FAM171A1: variants seen among roughly 807,000 people sequenced by gnomAD.
The protein encoded by FAM171A1 is family with sequence similarity 171 member A1.
A neutral mutation model predicts 74.9 loss-of-function variants in FAM171A1; 23 were observed. That is an observed-to-expected ratio of 0.31 (90% CI 0.22 to 0.44). FAM171A1 has a LOEUF of 0.44. Ranked by LOEUF, FAM171A1 falls within the 20% of genes least tolerant of loss-of-function variation. The pLI is 1.00. For synonymous variants in FAM171A1, 527 were observed against 505.7 expected, an observed-to-expected ratio of 1.04 and a Z score of -0.57; for missense variants, 1,162 against 1,159.2, an observed-to-expected ratio of 1.00 and a Z score of -0.03.
intron 1 of FAM171A1, among the ~76,000 whole-genome samples, chr10:15,327,221 A>C (rs1835566299): frequency 6.6e-6 from 1 of 152,192 alleles, no homozygotes; most frequent in Non-Finnish European, 1.5e-5. Flanking sequence ...AGCTTGAGCA[A>C]GAGCAAGCTG....
At chr10:15,231,670 T>C (rs534596342) in intron 5 of FAM171A1, among the ~76,000 whole-genome samples, 52 of 151,206 alleles carry the variant, frequency 3.4e-4, no homozygotes, top group African/African-American at 1.3e-3. Context: ...TTTCCTACCA[T>C]GTGGCTGTAG....
At chr10:15,276,004 C>T (rs1834889666) in intron 2 of FAM171A1, 57 bp from the exon 3 acceptor site, 6 of 1,304,480 alleles carry the variant, frequency 4.6e-6, no homozygotes, top group Non-Finnish European at 6.5e-6. Context: ...TAAGTGCCTA[C>T]TCTAATTTTT....
intron 5 of FAM171A1, among the ~76,000 whole-genome samples, chr10:15,233,521 G>GGGGTGTGT (rs376109485): frequency 6.9e-6 from 1 of 145,282 alleles, no homozygotes; most frequent in East Asian, 2.1e-4. Context: ...GTGTATTCAG[G>GGGGTGTGT]GTGTGTGTGT....
At chr10:15,253,370 G>C (rs910134644) in intron 4 of FAM171A1, among the ~76,000 whole-genome samples, 3 of 152,212 alleles carry the variant, frequency 2.0e-5, no homozygotes, top group African/African-American at 7.2e-5. Flanking sequence ...TCAAGTAATA[G>C]TCAACATTTT....
At chr10:15,370,240 CTTTTTT>C (rs34087157) in intron 1 of FAM171A1, among the ~76,000 whole-genome samples, 1 of 110,864 alleles carries the variant, frequency 9.0e-6, no homozygotes, top group African/African-American at 3.3e-5. Context: ...AAGGATTTTT[CTTTTTT>C]TTTTTTTTTT....
At chr10:15,248,612 G>A (rs547930812) in intron 5 of FAM171A1, 27 bp downstream of exon 5, 27 of 1,564,942 alleles carry the variant, frequency 1.7e-5, no homozygotes, top group Middle Eastern at 4.1e-4. Flanking sequence ...TCTGGTAGCC[G>A]ATTGTCGGCA....
rs149959357 is a variant in FAM171A1 at position 15,252,992 on chromosome 10, T to C, written c.577+1729A>G. On this transcript the variant is annotated intron_variant, in intron 4 of 7. Transcript: ENST00000378116. ...GGGAGGCTGGATGCTGGCTATGATA[T>C]TTTAAAACTTTGTTTTTTTGTTTTT... Among the ~76,000 whole-genome samples the C allele has an allele frequency of 2.3e-3, 347 of 152,264 alleles. 1 individual carries two copies. The highest frequency in any genetic ancestry group is 7.7e-3 in the African/African-American group (321 of 41,560).
chr10:15,282,681 A>G (rs1288354075), intron 2 of FAM171A1, among the ~76,000 whole-genome samples: 1 of 152,204 alleles, frequency 6.6e-6, no homozygotes, highest in Non-Finnish European at 1.5e-5. Flanking sequence ...AGCATGGACC[A>G]TGGGAGTGTC....
intron 5 of FAM171A1, among the ~76,000 whole-genome samples, chr10:15,229,591 C>A (rs1257993516): frequency 0.014 from 1,676 of 120,632 alleles, 27 homozygotes; most frequent in Non-Finnish European, 0.021. Flanking sequence ...ATCATCATCA[C>A]CATCATCACC....
intron 1 of FAM171A1, among the ~76,000 whole-genome samples, chr10:15,328,794 C>A (rs1019708251): frequency 5.3e-5 from 8 of 152,302 alleles, no homozygotes; most frequent in African/African-American, 1.9e-4. Flanking sequence ...TTTTAGGCCC[C>A]ACCAAATACA....
chr10:15,259,014 T>C (rs1234127240), intron 3 of FAM171A1, among the ~76,000 whole-genome samples: 6 of 152,218 alleles, frequency 3.9e-5, no homozygotes. Context: ...TAGACACTTC[T>C]ACCCAGATGC....
intron 1 of FAM171A1, among the ~76,000 whole-genome samples, chr10:15,304,067 T>C (rs1274945510): frequency 6.6e-6 from 1 of 152,194 alleles, no homozygotes; most frequent in Non-Finnish European, 1.5e-5. Flanking sequence ...GAGAAAAAGT[T>C]GCAGAAAGTG....
rs1834620157 is a variant in FAM171A1, at chr10:15,258,833, C to T, written c.419-3954G>A. On this transcript the variant is annotated intron_variant, in intron 3 of 7. Coordinates refer to ENST00000378116, the MANE Select transcript of FAM171A1 (RefSeq NM_001010924.2). ...CTTTGCAAGTCCTTCCTTTCTTGTC[C>T]TACCTCTGGATGAAACAGCTCCCAG... Among the ~76,000 whole-genome samples, 6 of 152,186 alleles carry T rather than the reference C, an allele frequency of 3.9e-5. No individual in the cohort carries two copies. In the South Asian group the frequency reaches 1.2e-3, roughly 32 times the overall value.
At chr10:15,361,570 C>T (rs1835994768) in intron 1 of FAM171A1, among the ~76,000 whole-genome samples, 1 of 152,100 alleles carries the variant, frequency 6.6e-6, no homozygotes, top group Non-Finnish European at 1.5e-5. Flanking sequence ...GTAGTCCCAG[C>T]TACTCGGGAG....
intron 1 of FAM171A1, among the ~76,000 whole-genome samples, chr10:15,307,241 C>A (rs1406590056): frequency 3.9e-5 from 6 of 152,108 alleles, no homozygotes; most frequent in Non-Finnish European, 5.9e-5. Flanking sequence ...TATACACAGG[C>A]CATATGGGGG....
intron 5 of FAM171A1, among the ~76,000 whole-genome samples, chr10:15,230,351 G>A (rs987722735): frequency 6.6e-6 from 1 of 152,132 alleles, no homozygotes; most frequent in Admixed American, 6.5e-5. Context: ...CAAAGTATTT[G>A]CCCGGTGGTC....
intron 1 of FAM171A1, among the ~76,000 whole-genome samples, chr10:15,342,160 G>C (rs1170350829): frequency 6.6e-5 from 10 of 152,226 alleles, no homozygotes. Context: ...CATCCTGAGA[G>C]TCGTTTCTCA....
intron 1 of FAM171A1, among the ~76,000 whole-genome samples, chr10:15,327,056 T>C: frequency 6.6e-6 from 1 of 152,136 alleles, no homozygotes; most frequent in East Asian, 1.9e-4. Context: ...GATCAAAAAT[T>C]AATGTGAGCT....
intron 1 of FAM171A1, among the ~76,000 whole-genome samples, chr10:15,286,454 G>A (rs992679613): frequency 6.6e-6 from 1 of 151,996 alleles, no homozygotes; most frequent in Non-Finnish European, 1.5e-5. Flanking sequence ...CTAATTTTTT[G>A]CACTTTTAGT....
Sources: allele counts gnomAD v4.1 joint callset (sites outside exome capture counted in the v4.1 genomes callset), GRCh38; gene constraint gnomAD v4.1.1; transcripts MANE v1.5; gene names NCBI Gene and HGNC (gene_info 2026-07-23, HGNC 2026-07-21).